Variants in ZNF658 observed in about 807,000 individuals in gnomAD.
ZNF658 encodes zinc finger protein 658.
A neutral mutation model predicts 78.0 loss-of-function variants in ZNF658; 46 were observed. The observed-to-expected ratio is 0.59, with a 90% CI of 0.47 to 0.75. The LOEUF (loss-of-function observed/expected upper bound fraction) is 0.75. ZNF658 is among the 30% of genes least tolerant of loss of function. The pLI is 0.00. For synonymous variants in ZNF658, 279 were observed against 408.4 expected (o/e 0.68, Z 3.82); for missense variants, 785 against 1,189.3 (o/e 0.66, Z 5.00).
At chr9:66,926,489 T>G (rs1359903804) in intron 6 of ZNF658, among the ~76,000 whole-genome samples, 1 of 150,456 alleles carries the variant, frequency 6.6e-6, no homozygotes, top group Non-Finnish European at 1.5e-5. Context: ...TCAAAAATAA[T>G]CAAATACTTA....
chr9:66,921,059 A>G lies in ZNF658; in HGVS notation c.*313A>G. On this transcript the variant is annotated 3_prime_UTR_variant, in exon 5 of 5. Transcript: ENST00000621410. ...AAACCATAGAGCACAAGGTCAAGGAAGCTAGAGTCTGAAAAACGAACAATT... is the reference window on the plus strand; with the variant it reads ...AAACCATAGAGCACAAGGTCAAGGAGGCTAGAGTCTGAAAAACGAACAATT... The G allele has an allele frequency of 3.0e-6, 1 of 335,106 alleles. No individual in the cohort carries two copies. 20.8% of individuals were successfully genotyped at this position (335,106 alleles called of 1,614,324 possible).
At chr9:66,925,802 G>T (rs953346867), downstream of ZNF658, among the ~76,000 whole-genome samples, 9 of 151,466 alleles carry the variant, frequency 5.9e-5, no homozygotes, top group African/African-American at 2.2e-4. Flanking sequence ...AAAACTACAG[G>T]TCTATGTCCC....
Position 66,915,373 on chromosome 9 carries a change from A to G in ZNF658, c.239-2432A>G, listed in dbSNP as rs990180976. The stretch of plus-strand genomic sequence containing the variant: ...TCTTCTTTCCACTTAGATTGTCCAA[A>G]TAAAGTTAGTTTGCTTTTATAGTTA... On this transcript the variant is annotated intron_variant, in intron 4 of 4. Coordinates refer to ENST00000621410, the MANE Select transcript of ZNF658 (RefSeq NM_033160.7). Among the ~76,000 whole-genome samples the G allele has an allele frequency of 2.7e-4, 41 of 150,318 alleles. 1 individual carries two copies. The highest frequency in any genetic ancestry group is 9.8e-4 in the African/African-American group (40 of 40,662).
intron 6 of ZNF658, among the ~76,000 whole-genome samples, chr9:66,927,333 T>C (rs1263304296): frequency 6.6e-6 from 1 of 151,112 alleles, no homozygotes; most frequent in Non-Finnish European, 1.5e-5. Context: ...GTCAGGATGA[T>C]GATTATTTAA....
chr9:66,920,450 G>T lies in ZNF658; in HGVS notation c.2884G>T (p.Gly962Trp), dbSNP rs1216661545. Residue 962 changes from glycine (G) to tryptophan (W), a missense_variant, in exon 5 of 5, where the codon GGG becomes TGG. Transcript: ENST00000621410. ...CAGAGTACATCAAAGAATTCACACA[G>T]GGGAGAAATCCTATGAATGTAATGA... ...TLRVHQRIHT[G>W]EKSYECNDCG... is the part of the protein sequence containing the mutation. 27 of 1,606,830 alleles carry T rather than the reference G, an allele frequency of 1.7e-5. No homozygotes were observed. Among genetic ancestry groups the T allele is most frequent in the Non-Finnish European group, 2.3e-5 (27 of 1,178,424 alleles).
chr9:66,908,425 A>G, intron 3 of ZNF658, 61 bp downstream of exon 3: 1 of 1,611,240 alleles, frequency 6.2e-7, no homozygotes, highest in Non-Finnish European at 8.5e-7. Flanking sequence ...AAAAGTATCA[A>G]AACACATGGA....
Position 66,906,115 on chromosome 9 carries a change from T to G in ZNF658, c.16-2123T>G, listed in dbSNP as rs1314513595. ...TGTGGCTGCAGAAGTCTGCAGAAAT[T>G]TTCTTAAATGCCTGAAACCTTAAGT... On this transcript the variant is annotated intron_variant, in intron 2 of 4. Coordinates refer to ENST00000621410, the MANE Select transcript of ZNF658 (RefSeq NM_033160.7). 4.8e-4 allele frequency among the ~76,000 whole-genome samples: 46 copies of G among 96,408 alleles called. 8 individuals are homozygous for G. Among genetic ancestry groups the G allele is most frequent in the Middle Eastern group, 7.9e-3 (2 of 252 alleles). The allele number at this position is 96,408 out of a possible 152,430, so 63.2% of individuals were successfully genotyped here.
chr9:66,914,061 A>G lies in ZNF658; in HGVS notation c.239-3744A>G, dbSNP rs568279141. Among the ~76,000 whole-genome samples, 923 of 150,894 alleles carry G rather than the reference A, an allele frequency of 6.1e-3. 15 individuals are homozygous for G. The highest frequency in any genetic ancestry group is 0.021 in the African/African-American group (858 of 40,566). ...TTTAAATGAGGTTCATAATCTTTAC[A>G]AAGGAAACATGTTGGCATTTAAACT... On this transcript the variant is annotated intron_variant, in intron 4 of 4. Transcript: ENST00000621410.
In ZNF658 at chr9:66,917,987, T is replaced by A. The variant is rs572299831; in HGVS notation, c.421T>A (p.Ser141Thr). ...AGAAAAAATATCCTGTAAATGTGACTCACACAGAATGAATTTGCCAGTTGC... is the reference window on the plus strand; with the variant it reads ...AGAAAAAATATCCTGTAAATGTGACACACACAGAATGAATTTGCCAGTTGC... ...LSEKISCKCD[S>T]HRMNLPVASQ... Residue 141 changes from serine to threonine, a missense_variant, in exon 5 of 5, where the codon TCA becomes ACA. By Grantham distance (58) the Ser-to-Thr change is moderately conservative. Around this residue, in one of 12 missense-constraint regions of ZNF658, gnomAD observed 54 missense variants for 48.9 expected, o/e 1.10. Transcript: ENST00000621410. 6.9e-6 allele frequency: 11 copies of A among 1,594,830 alleles called. No homozygotes were observed. In the South Asian group the frequency reaches 9.2e-5, roughly 13 times the overall value.
chr9:66,902,820 T>C (rs998632009), intron 1 of ZNF658: 4 of 152,232 alleles, frequency 2.6e-5, no homozygotes, highest in African/African-American at 9.6e-5. Flanking sequence ...GTAAAGGCAG[T>C]AAGAACTTGA....
downstream of ZNF658, among the ~76,000 whole-genome samples, chr9:66,922,901 A>G (rs1313643378): frequency 6.7e-6 from 1 of 149,864 alleles, no homozygotes; most frequent in African/African-American, 2.5e-5. Context: ...ATGGAGGTAT[A>G]AGACATGAAT....
At chr9:66,922,340 T>A (rs1342144435), downstream of ZNF658, among the ~76,000 whole-genome samples, 1 of 152,082 alleles carries the variant, frequency 6.6e-6, no homozygotes, top group African/African-American at 2.4e-5. Context: ...TCATGCTCCA[T>A]GGGCTGCACC....
At chr9:66,915,454 C>T (rs1822314364) in intron 4 of ZNF658, among the ~76,000 whole-genome samples, 1 of 150,444 alleles carries the variant, frequency 6.6e-6, no homozygotes, top group South Asian at 2.1e-4. Context: ...TCAGAGCTAG[C>T]TACTTCACTT....
At chr9:66,910,837 T>C (rs1822199402) in intron 4 of ZNF658, among the ~76,000 whole-genome samples, 1 of 143,346 alleles carries the variant, frequency 7.0e-6, no homozygotes, top group Non-Finnish European at 1.5e-5. Context: ...AGTTGTTGAG[T>C]CAATAAAGAT....
In ZNF658 at chr9:66,920,345, G is replaced by A; in HGVS notation, c.2779G>A (p.Ala927Thr). Residue 927 changes from alanine (A) to threonine (T), a missense_variant, in exon 5 of 5, where the codon GCA (alanine) becomes ACA (threonine). Physicochemically the swap from Ala to Thr is moderately conservative, Grantham distance 58. Coordinates refer to ENST00000621410, the MANE Select transcript of ZNF658 (RefSeq NM_033160.7). ...KTFSEKSYVSAHQRVHTGEKP... is the reference protein window; with the variant it reads ...KTFSEKSYVSTHQRVHTGEKP... ...CTTCTCTGAGAAGTCATATGTTAGT[G>A]CACATCAGAGAGTTCATACGGGGGA... 6.2e-7 allele frequency: 1 copy of A among 1,613,676 alleles called. No homozygotes were observed. The highest frequency in any genetic ancestry group is 1.3e-5 in the African/African-American group (1 of 74,854).
chr9:66,921,761 ACT>A (rs1367695851), downstream of ZNF658, among the ~76,000 whole-genome samples: 12 of 150,886 alleles, frequency 8.0e-5, no homozygotes, highest in Non-Finnish European at 1.6e-4. Context: ...GTCGGCCCCT[ACT>A]GGGAGGTGTC....
intron 4 of ZNF658, among the ~76,000 whole-genome samples, chr9:66,916,631 TCTTA>T (rs1822341645): frequency 7.9e-6 from 1 of 126,746 alleles, no homozygotes; most frequent in Admixed American, 8.5e-5. Context: ...CTGCCTCTCC[TCTTA>T]CTTCTGTGCT....
At chr9:66,904,485 C>T (rs939840928) in intron 2 of ZNF658, among the ~76,000 whole-genome samples, 1 of 151,888 alleles carries the variant, frequency 6.6e-6, no homozygotes, top group African/African-American at 2.4e-5. Flanking sequence ...CTGTTGTCTC[C>T]AAATGATTTT....
In ZNF658 at chr9:66,918,614, G is replaced by A; in HGVS notation, c.1048G>A (p.Asp350Asn). 1 of 1,610,478 alleles carries A rather than the reference G, an allele frequency of 6.2e-7. No individual in the cohort carries two copies. The highest frequency in any genetic ancestry group is 8.5e-7 in the Non-Finnish European group (1 of 1,177,090). ...HIVHQKTQAG[D>N]KFGEHNECTD... ...AGTACATCAGAAAACACAAGCTGGA[G>A]ATAAATTTGGTGAACATAATGAATG... The change falls in exon 5 of 5, where the codon GAT (aspartate) becomes AAT (asparagine). Residue 350 changes from aspartate (D) to asparagine (N), a missense_variant. By Grantham distance (23) the Asp-to-Asn change is conservative. Transcript: ENST00000621410.
Sources: gnomAD v4.1 joint callset for allele counts (sites outside exome capture counted in the v4.1 genomes callset) on GRCh38, gnomAD v4.1.1 for gene constraint, gnomAD v4.1.1 regional missense constraint, MANE v1.5 for transcripts, NCBI Gene and HGNC (gene_info 2026-07-23, HGNC 2026-07-21) for gene names.